FOXP1: variants seen among roughly 807,000 people sequenced by gnomAD.
FOXP1 encodes forkhead box protein P1.
In FOXP1, 15 loss-of-function variants were observed where a neutral mutation model predicts 98.2. The ratio of observed to expected loss-of-function variants is 0.15; its 90% confidence interval spans 0.10 to 0.24. The LOEUF (loss-of-function observed/expected upper bound fraction) is 0.24. Ranked by LOEUF, FOXP1 falls within the 10% of genes least tolerant of loss-of-function variation. FOXP1 has a pLI of 1.00. For synonymous variants in FOXP1, 371 were observed against 314.5 expected, an observed-to-expected ratio of 1.18 and a Z score of -1.90; for missense variants, 633 against 848.5, an observed-to-expected ratio of 0.75 and a Z score of 3.15.
chr3:71,268,610 A>C (rs999702523), intron 5 of FOXP1, among the ~76,000 whole-genome samples: 2 of 152,192 alleles, frequency 1.3e-5, no homozygotes, highest in Non-Finnish European at 2.9e-5. Context: ...CCTCTGACCA[A>C]GTGATAAGAC....
At chr3:71,416,411 G>A (rs970279440) in intron 3 of FOXP1, among the ~76,000 whole-genome samples, 6 of 152,018 alleles carry the variant, frequency 3.9e-5, no homozygotes, top group East Asian at 1.9e-4. Flanking sequence ...GTATGGTGGT[G>A]TACACCACCT....
At chr3:71,419,110 C>T (rs1368340052) in intron 3 of FOXP1, among the ~76,000 whole-genome samples, 2 of 151,548 alleles carry the variant, frequency 1.3e-5, no homozygotes, top group East Asian at 3.9e-4. Flanking sequence ...GTGGTAGGCA[C>T]CTGTAATCCC....
chr3:71,401,098 T>C (rs964776450), intron 3 of FOXP1, among the ~76,000 whole-genome samples: 1 of 152,248 alleles, frequency 6.6e-6, no homozygotes, highest in Non-Finnish European at 1.5e-5. Flanking sequence ...ATTTTATTTT[T>C]TCTAAGAAAA....
At chr3:71,580,706 T>G (rs1187316203) in intron 2 of FOXP1, 2 of 863,372 alleles carry the variant, frequency 2.3e-6, no homozygotes, top group East Asian at 2.4e-4. Context: ...TGGAAAAATT[T>G]TGCAGCGATT....
chr3:71,100,537 T>C (rs534458610), intron 7 of FOXP1, among the ~76,000 whole-genome samples: 1 of 152,320 alleles, frequency 6.6e-6, no homozygotes, highest in African/African-American at 2.4e-5. Context: ...GGCAGTCACA[T>C]GGTGGAGAAC....
At chr3:71,327,532 C>T (rs933213840) in intron 4 of FOXP1, among the ~76,000 whole-genome samples, 10 of 150,316 alleles carry the variant, frequency 6.7e-5, no homozygotes, top group South Asian at 2.1e-4. Context: ...GGACTACAGG[C>T]GCCTGCCACC....
chr3:71,222,078 G>A (rs936480171), intron 5 of FOXP1, among the ~76,000 whole-genome samples: 8 of 152,120 alleles, frequency 5.3e-5, no homozygotes, highest in African/African-American at 1.7e-4. Flanking sequence ...GCTTGAACCC[G>A]GGAGGTGAAG....
At chr3:71,207,535 C>T (rs1012054032) in intron 5 of FOXP1, among the ~76,000 whole-genome samples, 2 of 152,002 alleles carry the variant, frequency 1.3e-5, no homozygotes, top group Non-Finnish European at 2.9e-5. Flanking sequence ...ATGTATTTTC[C>T]CCCCTGAAAC....
intron 3 of FOXP1, among the ~76,000 whole-genome samples, chr3:71,410,079 C>T (rs1243934688): frequency 5.3e-5 from 8 of 152,140 alleles, no homozygotes; most frequent in African/African-American, 1.2e-4. Flanking sequence ...AGTTATTTTA[C>T]CTCTCTCAGT....
chr3:71,327,017 T>C (rs2107696158), intron 4 of FOXP1, among the ~76,000 whole-genome samples: 1 of 152,282 alleles, frequency 6.6e-6, no homozygotes, highest in South Asian at 2.1e-4. Flanking sequence ...TCCCAATTCA[T>C]ATAGCTAATA....
intron 7 of FOXP1, among the ~76,000 whole-genome samples, chr3:71,105,476 G>C (rs1427286431): frequency 1.3e-5 from 2 of 152,176 alleles, no homozygotes; most frequent in African/African-American, 4.8e-5. Flanking sequence ...TAATTAGCGA[G>C]GTGGGAGTCA....
intron 4 of FOXP1, among the ~76,000 whole-genome samples, chr3:71,348,239 C>T (rs1308686453): frequency 6.6e-6 from 1 of 152,120 alleles, no homozygotes. Flanking sequence ...TGTATTTTCT[C>T]TCTTTGATTT....
intron 2 of FOXP1, among the ~76,000 whole-genome samples, chr3:71,509,921 G>A (rs1577925760): frequency 6.6e-6 from 1 of 152,314 alleles, no homozygotes; most frequent in Middle Eastern, 3.4e-3. Context: ...GCTCACGCCT[G>A]TAATCCCAGC....
At chr3:71,428,503 G>T (rs1272187577) in intron 3 of FOXP1, among the ~76,000 whole-genome samples, 1 of 152,230 alleles carries the variant, frequency 6.6e-6, no homozygotes, top group East Asian at 1.9e-4. Flanking sequence ...TTCGGGTTTG[G>T]AAAGCAATCA....
intron 2 of FOXP1, among the ~76,000 whole-genome samples, chr3:71,505,528 C>T (rs992772958): frequency 4.7e-5 from 7 of 150,058 alleles, no homozygotes; most frequent in Admixed American, 3.4e-4. Flanking sequence ...CAGGTTCAAG[C>T]GATTCTCCTG....
At chr3:71,435,127 G>C (rs1214230804) in intron 3 of FOXP1, among the ~76,000 whole-genome samples, 1 of 147,068 alleles carries the variant, frequency 6.8e-6, no homozygotes, top group Non-Finnish European at 1.5e-5. Flanking sequence ...CAAAAGGGAA[G>C]GTGGACGTTG....
chr3:71,446,607 A>G (rs1358709775), intron 3 of FOXP1, among the ~76,000 whole-genome samples: 2 of 152,230 alleles, frequency 1.3e-5, no homozygotes, highest in Non-Finnish European at 2.9e-5. Context: ...GTGTTATTAA[A>G]ACACTGTAAT....
At chr3:71,096,363 A>G (rs999042524) in intron 7 of FOXP1, among the ~76,000 whole-genome samples, 1 of 152,204 alleles carries the variant, frequency 6.6e-6, no homozygotes, top group Non-Finnish European at 1.5e-5. Context: ...TTCAGAAGAT[A>G]AGAGTTCCGG....
chr3:71,083,521 A>G (rs938145170), intron 7 of FOXP1, among the ~76,000 whole-genome samples: 20 of 152,198 alleles, frequency 1.3e-4, no homozygotes, highest in Admixed American at 3.3e-4. Flanking sequence ...TCATGTATAG[A>G]TAAGTGACCC....
Sources: allele counts gnomAD v4.1 joint callset (sites outside exome capture counted in the v4.1 genomes callset), GRCh38; gene constraint gnomAD v4.1.1; transcripts MANE v1.5; gene names NCBI Gene and HGNC (gene_info 2026-07-23, HGNC 2026-07-21).